Variants in PTPRE observed in about 807,000 individuals in gnomAD.
The protein encoded by PTPRE is protein tyrosine phosphatase receptor type E.
PTPRE carries 51 observed loss-of-function variants against 102.0 expected under a neutral mutation model. That is an observed-to-expected ratio of 0.50 (90% CI 0.40 to 0.63). PTPRE has a LOEUF of 0.63. Among genes scored for constraint, PTPRE ranks in the 30% least tolerant of loss-of-function variants. The probability of loss-of-function intolerance (pLI) is 0.00; values close to 1 mark genes in which losing one functional copy is unlikely to be tolerated. For synonymous variants in PTPRE, 345 were observed against 348.2 expected (o/e 0.99, Z 0.10); for missense variants, 752 against 915.1 (o/e 0.82, Z 2.30).
chr10:127,994,635 CTCAG>C (rs1853063489), intron 2 of PTPRE, among the ~76,000 whole-genome samples: 1 of 152,200 alleles, frequency 6.6e-6, no homozygotes, highest in South Asian at 2.1e-4. Context: ...CTCCAAGTGG[CTCAG>C]TCAATTTTCA....
At chr10:128,034,327 C>G (rs528890468) in intron 2 of PTPRE, among the ~76,000 whole-genome samples, 1 of 151,642 alleles carries the variant, frequency 6.6e-6, no homozygotes, top group Non-Finnish European at 1.5e-5. Flanking sequence ...TCCACACCAC[C>G]CCCCCCACCG....
intron 10 of PTPRE, among the ~76,000 whole-genome samples, chr10:128,063,991 G>A (rs923337555): frequency 1.3e-5 from 2 of 152,242 alleles, no homozygotes; most frequent in South Asian, 2.1e-4. Flanking sequence ...ATGAAGGCCC[G>A]GTTCAGTGGG....
intron 1 of PTPRE, among the ~76,000 whole-genome samples, chr10:127,932,246 TG>T (rs1230477968): frequency 6.6e-6 from 1 of 152,228 alleles, no homozygotes; most frequent in African/African-American, 2.4e-5. Context: ...AAAATTAACA[TG>T]CCGCGTTGAA....
chr10:128,023,808 T>G (rs1263666130), intron 2 of PTPRE, among the ~76,000 whole-genome samples: 3 of 152,230 alleles, frequency 2.0e-5, no homozygotes, highest in African/African-American at 7.2e-5. Context: ...CTGTGGAGGT[T>G]AACCTTGCTG....
intron 2 of PTPRE, chr10:127,987,222 C>G (rs1852167992): frequency 1.3e-6 from 1 of 786,644 alleles, no homozygotes; most frequent in African/African-American, 1.8e-5. Context: ...ACAGTTTCCC[C>G]TAAGAGGAAA....
At chr10:128,076,870 T>C (rs1851251118) in intron 18 of PTPRE, 142 bp downstream of exon 18, 1 of 1,212,396 alleles carries the variant, frequency 8.2e-7, no homozygotes, top group Non-Finnish European at 1.2e-6. Context: ...GAATGGCCAA[T>C]GGGTTTCAGA....
At chr10:127,958,080 GT>G (rs1186949064) in intron 1 of PTPRE, among the ~76,000 whole-genome samples, 4 of 152,054 alleles carry the variant, frequency 2.6e-5, no homozygotes, top group Admixed American at 2.6e-4. Context: ...GTTCCAGGAG[GT>G]TTTTTTGTTT....
intron 1 of PTPRE, among the ~76,000 whole-genome samples, chr10:127,964,067 C>A (rs1173293430): frequency 6.6e-6 from 1 of 152,202 alleles, no homozygotes; most frequent in African/African-American, 2.4e-5. Flanking sequence ...GAGACCACTC[C>A]TTGCAAAGAT....
chr10:128,060,734 G>A lies in PTPRE; in HGVS notation c.512-205G>A, dbSNP rs1590183750. Among the ~76,000 whole-genome samples, 5 of 152,186 alleles carry A rather than the reference G, an allele frequency of 3.3e-5. No homozygotes were observed. In the South Asian group the frequency reaches 8.3e-4, roughly 25 times the overall value. ...AGACAGTCAGTGTTCACCAAAGCAG[G>A]TGCATTCTCTCTCAGGACACTAGTG... On this transcript the variant is annotated intron_variant, in intron 7 of 20. Coordinates refer to ENST00000254667, the MANE Select transcript of PTPRE (RefSeq NM_006504.6).
intron 7 of PTPRE, among the ~76,000 whole-genome samples, chr10:128,057,863 C>G (rs1377295519): frequency 2.0e-5 from 3 of 152,166 alleles, no homozygotes; most frequent in African/African-American, 7.2e-5. Context: ...AGGCAACTTA[C>G]ATGGCTTGAG....
intron 2 of PTPRE, among the ~76,000 whole-genome samples, chr10:127,996,216 A>G (rs1434028586): frequency 6.6e-6 from 1 of 152,244 alleles, no homozygotes; most frequent in Non-Finnish European, 1.5e-5. Context: ...GTTGCTTGGC[A>G]ACACGTAACT....
intron 1 of PTPRE, among the ~76,000 whole-genome samples, chr10:127,926,761 G>T (rs975036093): frequency 1.5e-4 from 22 of 151,696 alleles, no homozygotes; most frequent in Admixed American, 5.9e-4. Flanking sequence ...GACCAGAGGG[G>T]AGAAAGAGGG....
intron 2 of PTPRE, among the ~76,000 whole-genome samples, chr10:127,988,506 T>C (rs1852317021): frequency 6.6e-6 from 1 of 152,078 alleles, no homozygotes; most frequent in Non-Finnish European, 1.5e-5. Flanking sequence ...GGTTTTGCCA[T>C]ATTGGCCAGG....
rs997543366 is a variant in PTPRE, at chr10:127,946,142, C to T, written c.-30-36132C>T. Among the ~76,000 whole-genome samples, 10 of 152,132 alleles carry T rather than the reference C, an allele frequency of 6.6e-5. No individual in the cohort carries two copies. In the East Asian group the frequency reaches 1.9e-3, roughly 29 times the overall value. Reference sequence around the variant, plus strand: ...CAGGAAGTGCCTGTCAGAGAAGCACCTGGGAGTTTGTTTCTGGCTGAGGCC... The same window carrying T: ...CAGGAAGTGCCTGTCAGAGAAGCACTTGGGAGTTTGTTTCTGGCTGAGGCC... On this transcript the variant is annotated intron_variant, in intron 1 of 20. Coordinates refer to ENST00000254667, the MANE Select transcript of PTPRE (RefSeq NM_006504.6).
At chr10:127,955,509 A>G (rs61873695) in intron 1 of PTPRE, among the ~76,000 whole-genome samples, 10,622 of 152,276 alleles carry the variant, frequency 0.07, 455 homozygotes, top group Middle Eastern at 0.099. Flanking sequence ...GTATAGATGC[A>G]TATAGTAAGC....
chr10:127,929,541 G>T (rs1847267009), intron 1 of PTPRE: 1 of 152,196 alleles, frequency 6.6e-6, no homozygotes, highest in South Asian at 2.1e-4. Context: ...TCTGCTAACT[G>T]AGTGTGACGT....
intron 1 of PTPRE, among the ~76,000 whole-genome samples, chr10:127,942,093 T>G (rs1273035954): frequency 6.6e-6 from 1 of 151,878 alleles, no homozygotes; most frequent in Non-Finnish European, 1.5e-5. Flanking sequence ...CCTCCTATAG[T>G]CCAGTCAAGA....
chr10:128,051,956 C>T (rs555975044), intron 6 of PTPRE, among the ~76,000 whole-genome samples: 1 of 152,262 alleles, frequency 6.6e-6, no homozygotes, highest in African/African-American at 2.4e-5. Flanking sequence ...CTCAACCTCC[C>T]AGCTCAAGTG....
chr10:128,073,502 A>G (rs755344584), intron 17 of PTPRE, 31 bp downstream of exon 17: 4 of 1,607,410 alleles, frequency 2.5e-6, no homozygotes, highest in Non-Finnish European at 3.4e-6. Context: ...CGGTCCCTCC[A>G]GGGCAGCCTG....
Sources: gnomAD v4.1 joint callset for allele counts (sites outside exome capture counted in the v4.1 genomes callset) on GRCh38, gnomAD v4.1.1 for gene constraint, MANE v1.5 for transcripts, NCBI Gene and HGNC (gene_info 2026-07-23, HGNC 2026-07-21) for gene names.